MTA3: variants seen among roughly 807,000 people sequenced by gnomAD.
MTA3 encodes the protein metastasis-associated protein MTA3.
MTA3 carries 34 observed loss-of-function variants against 83.5 expected under a neutral mutation model. The ratio of observed to expected loss-of-function variants is 0.41; its 90% CI spans 0.31 to 0.54. The LOEUF (loss-of-function observed/expected upper bound fraction) is 0.54. MTA3 is among the 20% of genes least tolerant of loss of function. The probability of loss-of-function intolerance (pLI) is 0.33; values close to 1 mark genes in which losing one functional copy is unlikely to be tolerated. For synonymous variants in MTA3, 303 were observed against 252.7 expected (o/e 1.20, Z -1.89); for missense variants, 761 against 726.4 (o/e 1.05, Z -0.55).
At chr2:42,724,098 C>G (rs776870038) in intron 16 of MTA3, among the ~76,000 whole-genome samples, 3 of 152,134 alleles carry the variant, frequency 2.0e-5, no homozygotes, top group African/African-American at 7.2e-5. Flanking sequence ...GATGTCTAGA[C>G]AGCAGAAGGA....
At chr2:42,545,871 AC>A (rs985233730) in intron 2 of MTA3, among the ~76,000 whole-genome samples, 28 of 152,298 alleles carry the variant, frequency 1.8e-4, no homozygotes, top group African/African-American at 6.7e-4. Flanking sequence ...CTACTGTGCC[AC>A]GCTGCAGTTG....
intron 8 of MTA3, among the ~76,000 whole-genome samples, chr2:42,660,553 C>T (rs1268120287): frequency 6.6e-6 from 1 of 152,158 alleles, no homozygotes; most frequent in Non-Finnish European, 1.5e-5. Context: ...GCTTTCTCTG[C>T]ACTCCAGAAA....
intron 2 of MTA3, among the ~76,000 whole-genome samples, chr2:42,551,076 TAAA>T: frequency 1.3e-5 from 2 of 150,084 alleles, no homozygotes; most frequent in African/African-American, 5.0e-5. Flanking sequence ...AATAAATAAA[TAAA>T]TAAATAAATT....
At chr2:42,532,474 C>A in intron 2 of MTA3, among the ~76,000 whole-genome samples, 1 of 152,168 alleles carries the variant, frequency 6.6e-6, no homozygotes, top group Non-Finnish European at 1.5e-5. Flanking sequence ...TGCGCCTCTG[C>A]ACTCCAGCCT....
chr2:42,523,616 G>C (rs1274636620), intron 2 of MTA3, among the ~76,000 whole-genome samples: 2 of 152,116 alleles, frequency 1.3e-5, no homozygotes, highest in Non-Finnish European at 2.9e-5. Context: ...AATTCTCTTT[G>C]AAACAGTAAC....
chr2:42,615,852 C>T (rs996588651), intron 4 of MTA3, among the ~76,000 whole-genome samples: 1 of 148,836 alleles, frequency 6.7e-6, no homozygotes, highest in African/African-American at 2.5e-5. Flanking sequence ...TCCAGAGTAG[C>T]TGGGACTACA....
intron 3 of MTA3, among the ~76,000 whole-genome samples, chr2:42,586,853 T>C (rs1475028352): frequency 6.6e-6 from 1 of 152,112 alleles, no homozygotes. Flanking sequence ...TGAAACCCCG[T>C]ATCTACTAAA....
intron 6 of MTA3, among the ~76,000 whole-genome samples, chr2:42,646,042 G>C (rs980919549): frequency 1.3e-5 from 2 of 152,184 alleles, no homozygotes; most frequent in African/African-American, 4.8e-5. Context: ...AAAAATCCCA[G>C]ACCTCTTAAG....
At chr2:42,624,522 T>G (rs918774078) in intron 4 of MTA3, among the ~76,000 whole-genome samples, 2 of 152,098 alleles carry the variant, frequency 1.3e-5, no homozygotes, top group East Asian at 3.9e-4. Flanking sequence ...GGTTTCACCA[T>G]TTTGCATTTT....
intron 4 of MTA3, among the ~76,000 whole-genome samples, chr2:42,627,391 A>G (rs1245964409): frequency 6.6e-5 from 10 of 152,010 alleles, no homozygotes; most frequent in Non-Finnish European, 8.8e-5. Flanking sequence ...TGTCCTAATT[A>G]TATTAGGGAA....
Position 42,643,949 on chromosome 2 carries a change from T to C in MTA3, c.382-178T>C, listed in dbSNP as rs72874011. 4.2e-3 allele frequency among the ~76,000 whole-genome samples: 643 copies of C among 152,350 alleles called. 6 individuals are homozygous for C. The highest frequency in any genetic ancestry group is 0.015 in the African/African-American group (609 of 41,586). ...CTTTTGGCTTGATTTAATTTTGTAC[T>C]GTTTTACATGATGACGGTAACACCA... is the stretch of plus-strand genomic sequence containing the variant. On this transcript the variant is annotated intron_variant, in intron 5 of 16. Transcript: ENST00000405094.
rs1438739902 is a variant in MTA3, at chr2:42,609,678, T to G, written c.317+94T>G. Reference sequence around the variant, plus strand: ...CGTTTTCCAGACTCTTCTCAGGATCTTGCTTAAACTACTTTGCTAAAGGCT... The same window carrying G: ...CGTTTTCCAGACTCTTCTCAGGATCGTGCTTAAACTACTTTGCTAAAGGCT... On this transcript the variant is annotated intron_variant, in intron 4 of 16. Coordinates refer to ENST00000405094, the MANE Select transcript of MTA3 (RefSeq NM_001330442.2). 6 of 1,357,094 alleles carry G rather than the reference T, an allele frequency of 4.4e-6. No individual in the cohort carries two copies. In the African/African-American group the frequency reaches 8.7e-5, roughly 20 times the overall value. 84.1% of individuals were successfully genotyped at this position (1,357,094 alleles called of 1,614,324 possible).
intron 8 of MTA3, among the ~76,000 whole-genome samples, chr2:42,664,800 T>G (rs898122738): frequency 2.0e-5 from 3 of 152,184 alleles, no homozygotes; most frequent in African/African-American, 7.2e-5. Context: ...TTTGTGACTT[T>G]TATTCTGAGG....
Position 42,593,681 on chromosome 2 carries a change from ATCTT to A in MTA3, c.190+14483_190+14486del, listed in dbSNP as rs571983541. Among the ~76,000 whole-genome samples the A allele has an allele frequency of 1.8e-3, 255 of 142,534 alleles. 2 individuals carry two copies. The highest frequency in any genetic ancestry group is 6.3e-3 in the African/African-American group (237 of 37,636). 93.5% of individuals were successfully genotyped at this position (142,534 alleles called of 152,430 possible). On this transcript the variant is annotated intron_variant, in intron 3 of 16. Coordinates refer to ENST00000405094, the MANE Select transcript of MTA3 (RefSeq NM_001330442.2). Reference sequence around the variant, plus strand: ...TAGTACTCGGAGGACTATGGCATCTATCTTTATTTATTTATTGATATGGAGTCTT... The same window carrying A: ...TAGTACTCGGAGGACTATGGCATCTATATTTATTTATTGATATGGAGTCTT...
intron 10 of MTA3, among the ~76,000 whole-genome samples, chr2:42,696,254 A>G (rs910843631): frequency 2.6e-5 from 4 of 152,196 alleles, no homozygotes; most frequent in Admixed American, 2.0e-4. Context: ...ACCTCTTTAC[A>G]TGACATTTGT....
At chr2:42,635,426 GA>G (rs551829110) in intron 4 of MTA3, among the ~76,000 whole-genome samples, 281 of 152,092 alleles carry the variant, frequency 1.8e-3, no homozygotes, top group African/African-American at 6.4e-3. Flanking sequence ...TTAGGAGTTC[GA>G]GACCAGCCTG....
chr2:42,595,795 A>C (rs560262570), intron 3 of MTA3, among the ~76,000 whole-genome samples: 2 of 152,336 alleles, frequency 1.3e-5, no homozygotes, highest in African/African-American at 4.8e-5. Context: ...ATGACTTAGT[A>C]ATAAGTTACA....
chr2:42,701,418 C>G (rs1273461762), intron 11 of MTA3, among the ~76,000 whole-genome samples: 1 of 86,344 alleles, frequency 1.2e-5, no homozygotes, highest in Non-Finnish European at 2.0e-5. Context: ...GTCCCTGTAT[C>G]TATCAAAAAA....
intron 11 of MTA3, chr2:42,703,906 T>C: frequency 4.4e-6 from 1 of 227,152 alleles, no homozygotes; most frequent in South Asian, 5.8e-5. Flanking sequence ...AAAAAAAAAG[T>C]GTCAGAGGAT....
Sources: gnomAD v4.1 joint callset for allele counts (sites outside exome capture counted in the v4.1 genomes callset) on GRCh38, gnomAD v4.1.1 for gene constraint, MANE v1.5 for transcripts, NCBI Gene and HGNC (gene_info 2026-07-23, HGNC 2026-07-21) for gene names.